TCTN3: variants seen among roughly 807,000 people sequenced by gnomAD.
The protein encoded by TCTN3 is tectonic-3.
A neutral mutation model predicts 71.3 loss-of-function variants in TCTN3; 57 were observed. The ratio of observed to expected loss-of-function variants is 0.80; its 90% CI spans 0.65 to 1.00. The LOEUF is 1.00. Ranked by LOEUF, TCTN3 falls within the 50% of genes least tolerant of loss-of-function variation. The pLI, the probability that TCTN3 is intolerant of heterozygous loss-of-function variation, is 0.00. For synonymous variants in TCTN3, 258 were observed against 267.8 expected (o/e 0.96, Z 0.36); for missense variants, 696 against 719.9 (o/e 0.97, Z 0.38).
At chr10:95,677,489 T>TG (rs1203803656) in intron 13 of TCTN3, among the ~76,000 whole-genome samples, 10 of 130,946 alleles carry the variant, frequency 7.6e-5, no homozygotes, top group Middle Eastern at 4.0e-3. Context: ...TTTTGTTTTT[T>TG]TTTTTTTTTT....
At chr10:95,676,138 GTCAGAGA>G (rs1437702086) in intron 13 of TCTN3, among the ~76,000 whole-genome samples, 9 of 152,072 alleles carry the variant, frequency 5.9e-5, no homozygotes, top group Non-Finnish European at 1.2e-4. Flanking sequence ...ATGAAATATA[GTCAGAGA>G]TGTATCCTCT....
intron 13 of TCTN3, among the ~76,000 whole-genome samples, chr10:95,675,927 G>C (rs1161455578): frequency 6.6e-6 from 1 of 152,148 alleles, no homozygotes; most frequent in African/African-American, 2.4e-5. Flanking sequence ...ACAATATAAG[G>C]AATGTTGCAT....
chr10:95,667,773 T>C (rs1408512390), intron 13 of TCTN3, among the ~76,000 whole-genome samples: 1 of 152,190 alleles, frequency 6.6e-6, no homozygotes, highest in African/African-American at 2.4e-5. Context: ...GAGTTTTCTC[T>C]GGAAAAAATT....
At chr10:95,683,418 T>C in intron 10 of TCTN3, 104 bp downstream of exon 10, 3 of 1,586,592 alleles carry the variant, frequency 1.9e-6, no homozygotes, top group Non-Finnish European at 1.7e-6. Context: ...CTCATTATAA[T>C]GAACAAAAAA....
rs920960198 is a variant in TCTN3, at chr10:95,691,459, T to C, written c.499+1461A>G. On this transcript the variant is annotated intron_variant, in intron 3 of 13. Transcript: ENST00000371217. ...TGAGCCACCGCGTCAGGCCACAACC[T>C]TATCTGAAAATGAAGTATTCATCTT... 2.6e-5 allele frequency among the ~76,000 whole-genome samples: 4 copies of C among 152,172 alleles called. No individual in the cohort carries two copies. In the East Asian group the frequency reaches 7.7e-4, roughly 29 times the overall value.
chr10:95,682,593 C>A, intron 12 of TCTN3, 58 bp downstream of exon 12: 2 of 1,558,864 alleles, frequency 1.3e-6, no homozygotes, highest in South Asian at 1.2e-5. Flanking sequence ...ACTTACTATC[C>A]AAGATTTACA....
Position 95,688,186 on chromosome 10 carries a change from C to T in TCTN3, c.500-467G>A, listed in dbSNP as rs1002977908. ...GGTGGATCACCTGAGGTCAGGAGTT[C>T]GAGACCAGCCTGGCCAACATACTGA... On this transcript the variant is annotated intron_variant, in intron 3 of 13. Transcript: ENST00000371217. 5.9e-5 allele frequency among the ~76,000 whole-genome samples: 9 copies of T among 151,864 alleles called. No homozygotes were observed. The East Asian group carries it at 9.7e-4, about 16-fold the overall frequency.
chr10:95,693,014 G>C lies in TCTN3; in HGVS notation c.405C>G (p.Asp135Glu). Residue 135 changes from aspartate to glutamate, a missense_variant, in exon 3 of 14, where the codon GAC becomes GAG. Transcript: ENST00000371217. ...SVRSSSWVCV[D>E]NSVIFRSNSP... The stretch of plus-strand genomic sequence containing the variant: ...AATTACTCCTGAAGATAACAGAGTT[G>C]TCTACACAAACCCAGCTTGAAGACC... The C allele has an allele frequency of 6.2e-7, 1 of 1,613,506 alleles. No individual in the cohort carries two copies. The highest frequency in any genetic ancestry group is 8.5e-7 in the Non-Finnish European group (1 of 1,179,580).
In TCTN3 at chr10:95,682,744, C is replaced by G. The variant is rs544137314; in HGVS notation, c.1359G>C (p.Arg453Ser). ...AGATGGCAACATACTCTGGTCTGGG[C>G]CTTCCATGAAGAGTCTGATAAATCT... is the stretch of plus-strand genomic sequence containing the variant. ...QQEIYQTLHG[R>S]PRPEYVAIFG... The change falls in exon 12 of 14, where the codon AGG becomes AGC. Residue 453 changes from arginine to serine, a missense_variant. Coordinates refer to ENST00000371217, the MANE Select transcript of TCTN3 (RefSeq NM_015631.6). The G allele has an allele frequency of 3.7e-6, 6 of 1,614,018 alleles. No individual in the cohort carries two copies. Among genetic ancestry groups the G allele is most frequent in the Admixed American group, 1.7e-5 (1 of 59,996 alleles).
chr10:95,676,101 G>A (rs998250570), intron 13 of TCTN3, among the ~76,000 whole-genome samples: 11 of 150,142 alleles, frequency 7.3e-5, no homozygotes, highest in African/African-American at 2.4e-4. Context: ...ATAAATAAAA[G>A]ATGCTTATTA....
chr10:95,683,628 G>A lies in TCTN3; in HGVS notation c.1097C>T (p.Ala366Val). 6.2e-7 allele frequency: 1 copy of A among 1,603,184 alleles called. No individual in the cohort carries two copies. The highest frequency in any genetic ancestry group is 8.5e-7 in the Non-Finnish European group (1 of 1,174,274). ...LQQHFILRFR[A>V]FQQSTAASLT... ...AGAAGCAGCTGTGCTCTGTTGAAAA[G>A]CCTGCAGAAAGAGGGAAGAGAAGTC... is the stretch of plus-strand genomic sequence containing the variant. The change falls in exon 10 of 14, where the codon GCT (alanine) becomes GTT (valine). Residue 366 changes from alanine to valine, a missense_variant and splice_region_variant. By Grantham distance (64) the Ala-to-Val change is moderately conservative (BLOSUM62 0). Coordinates refer to ENST00000371217, the MANE Select transcript of TCTN3 (RefSeq NM_015631.6).
In TCTN3 at chr10:95,664,110, A is replaced by G. The variant is rs917433769; in HGVS notation, c.1781T>C (p.Leu594Pro). The change falls in exon 14 of 14, where the codon CTG becomes CCG. Residue 594 changes from leucine (L) to proline (P), a missense_variant. Coordinates refer to ENST00000371217, the MANE Select transcript of TCTN3 (RefSeq NM_015631.6). ...GAGAACTCCAAGTAGTAAGAGGCAC[A>G]GGATAAGGATGGGAGAGACTGAGCA... The part of the protein sequence containing the change: ...QKCSVSPILI[L>P]CLLLLGVLNL... 3 of 1,614,174 alleles carry G rather than the reference A, an allele frequency of 1.9e-6. No individual in the cohort carries two copies. The highest frequency in any genetic ancestry group is 2.5e-6 in the Non-Finnish European group (3 of 1,180,020).
rs1255124443 is a variant in TCTN3, at chr10:95,685,624, C to T, written c.901G>A (p.Val301Ile). Residue 301 changes from valine (V) to isoleucine (I), a missense_variant, in exon 8 of 14, where the codon GTA becomes ATA. Val to Ile is a conservative substitution (Grantham distance 29). Transcript: ENST00000371217. Reference protein sequence around the residue: ...DPQNMEFQVPVILTSQANAPL... With the variant: ...DPQNMEFQVPIILTSQANAPL... Reference sequence around the variant, plus strand: ...GCATTAGCCTGTGAGGTAAGTATTACAGGAACCTGGAACTAGCAACGAAAA... The same window carrying T: ...GCATTAGCCTGTGAGGTAAGTATTATAGGAACCTGGAACTAGCAACGAAAA... The T allele has an allele frequency of 1.3e-6, 2 of 1,551,336 alleles. No individual in the cohort carries two copies. Among genetic ancestry groups the T allele is most frequent in the Non-Finnish European group, 1.7e-6 (2 of 1,146,776 alleles).
rs1286136095 is a variant in TCTN3, at chr10:95,686,537, G to A, written c.853-7C>T. ...CAGTCATGCTTCTTGGAACCTAGGA[G>A]AACAGCAGGGACATGAATGTGCATA... On this transcript the variant is annotated splice_region_variant and splice_polypyrimidine_tract_variant and intron_variant, in intron 6 of 13. Transcript: ENST00000371217. 3.1e-6 allele frequency: 5 copies of A among 1,614,018 alleles called. No homozygotes were observed. The highest frequency in any genetic ancestry group is 4.2e-6 in the Non-Finnish European group (5 of 1,179,946).
intron 7 of TCTN3, among the ~76,000 whole-genome samples, 181 bp downstream of exon 7, chr10:95,686,314 C>T (rs564817721): frequency 6.6e-6 from 1 of 152,352 alleles, no homozygotes; most frequent in African/African-American, 2.4e-5. Flanking sequence ...ATCCTGGTTT[C>T]ATACGAGGCT....
intron 3 of TCTN3, among the ~76,000 whole-genome samples, chr10:95,691,163 A>G (rs2097953154): frequency 6.6e-6 from 1 of 152,118 alleles, no homozygotes; most frequent in African/African-American, 2.4e-5. Flanking sequence ...ATGTTTGGAA[A>G]AGAAGAGACA....
chr10:95,693,247 TG>T (rs1311253571), intron 2 of TCTN3, 105 bp downstream of exon 2: 1 of 1,489,676 alleles, frequency 6.7e-7, no homozygotes, highest in Admixed American at 2.2e-5. Flanking sequence ...GTCCTAGGAG[TG>T]GAAGTACGGG....
intron 13 of TCTN3, among the ~76,000 whole-genome samples, chr10:95,675,307 G>A (rs923137665): frequency 5.9e-5 from 9 of 152,056 alleles, no homozygotes; most frequent in Middle Eastern, 3.4e-3. Context: ...TGGCCAGACC[G>A]GTCTCAAACT....
intron 12 of TCTN3, among the ~76,000 whole-genome samples, chr10:95,681,140 A>G (rs960770807): frequency 3.3e-5 from 5 of 149,480 alleles, no homozygotes; most frequent in Admixed American, 1.3e-4. Flanking sequence ...CAGTGGTGTG[A>G]TTTCAGTTCA....
Sources: allele counts gnomAD v4.1 joint callset (sites outside exome capture counted in the v4.1 genomes callset), GRCh38; gene constraint gnomAD v4.1.1; transcripts MANE v1.5; gene names NCBI Gene and HGNC (gene_info 2026-07-23, HGNC 2026-07-21).